The following CYP4B1 variants were observed in gnomAD, a reference collection of about 807,000 sequenced individuals.
CYP4B1 encodes cytochrome P450 family 4 subfamily B member 1, also known as cytochrome P450 4B1.
In CYP4B1, 45 loss-of-function variants were observed where a neutral mutation model predicts 54.0. The observed-to-expected ratio is 0.83, with a 90% CI of 0.66 to 1.07. The LOEUF is 1.07. Ranked by LOEUF, CYP4B1 falls within the 50% of genes least tolerant of loss-of-function variation. CYP4B1 has a pLI of 0.00. For synonymous variants in CYP4B1, 248 were observed against 247.5 expected, an observed-to-expected ratio of 1.00 and a Z score of -0.02; for missense variants, 656 against 655.4, an observed-to-expected ratio of 1.00 and a Z score of -0.01.
intron 4 of CYP4B1, among the ~76,000 whole-genome samples, 155 bp from the exon 5 acceptor site, chr1:46,813,327 C>T (rs968559350): frequency 1.3e-5 from 2 of 152,148 alleles, no homozygotes; most frequent in Non-Finnish European, 2.9e-5. Flanking sequence ...TCCTGATATT[C>T]CAGCAGGATG....
chr1:46,813,505 G>C lies in CYP4B1; in HGVS notation c.519G>C (p.Arg173=), dbSNP rs769729661. 6.2e-7 allele frequency: 1 copy of C among 1,614,188 alleles called. No individual in the cohort carries two copies. The highest frequency in any genetic ancestry group is 1.1e-5 in the South Asian group (1 of 91,082). Residue 173 remains arginine, a synonymous_variant, in exon 5 of 12, where the codon CGG becomes CGC. Transcript: ENST00000371923. ...AGGACAAGTGGGAAGAGAAAGCTCG[G>C]GAGGGTAAGTCCTTTGACATCTTCT... is the stretch of plus-strand genomic sequence containing the variant. ...IMLDKWEEKA[R]EGKSFDIFCD...
At chr1:46,812,328 C>T (rs915605427) in intron 3 of CYP4B1, 168 bp from the exon 4 acceptor site, 28 of 756,820 alleles carry the variant, frequency 3.7e-5, no homozygotes, top group African/African-American at 6.9e-5. Context: ...CACCTGTCTC[C>T]TGAGGTCCTG....
intron 11 of CYP4B1, 34 bp from the exon 12 acceptor site, chr1:46,818,597 A>G (rs756632535): frequency 8.1e-6 from 13 of 1,606,596 alleles, no homozygotes; most frequent in Non-Finnish European, 1.1e-5. Flanking sequence ...TGGATGCTCC[A>G]TTGCACGATG....
chr1:46,803,075 G>T (rs980036810), intron 1 of CYP4B1, among the ~76,000 whole-genome samples: 3 of 152,166 alleles, frequency 2.0e-5, no homozygotes, highest in Non-Finnish European at 4.4e-5. Context: ...GGAGGTAGAC[G>T]GGGCAGTCAC....
At chr1:46,802,849 C>T (rs536360890) in intron 1 of CYP4B1, among the ~76,000 whole-genome samples, 1 of 152,190 alleles carries the variant, frequency 6.6e-6, no homozygotes, top group Admixed American at 6.5e-5. Flanking sequence ...GGAGGTGATG[C>T]TGAGGCACAT....
At position 46,814,297 on chromosome 1, in the gene CYP4B1, C is replaced by A; in HGVS notation, c.864C>A (p.Asp288Glu). 1 of 1,613,834 alleles carries A rather than the reference C, an allele frequency of 6.2e-7. No homozygotes were observed. ...ACCGGAGGCACCTGGACTTCCTGGA[C>A]ATTCTCCTGGGTGCCCGGGTGAGTA... ...IQNRRHLDFL[D>E]ILLGARDEDD... The change falls in exon 7 of 12, where the codon GAC (aspartate) becomes GAA (glutamate). Residue 288 changes from aspartate to glutamate, a missense_variant. Transcript: ENST00000371923.
rs1415918444 is a variant in CYP4B1 at position 46,812,596 on chromosome 1, G to A, written c.468G>A (p.Val156=). ...ATGTGCTGAAGCCCTATGTGGCCGT[G>A]TTCACTGAGTCTACACGTATCATGC... ...HYDVLKPYVA[V]FTESTRIMLD... is the part of the protein sequence containing the mutation. Residue 156 remains valine, a synonymous_variant, in exon 4 of 12, where the codon GTG becomes GTA. Coordinates refer to ENST00000371923, the MANE Select transcript of CYP4B1 (RefSeq NM_001099772.2). 1.2e-6 allele frequency: 2 copies of A among 1,613,902 alleles called. No homozygotes were observed. The highest frequency in any genetic ancestry group is 2.7e-5 in the African/African-American group (2 of 74,902).
At position 46,818,350 on chromosome 1, in the gene CYP4B1, G is replaced by C; in HGVS notation, c.1355+137G>C. ...GTTTGTGGTGGTTCTAATGCAGGAG[G>C]CTTCTTCTTGCAATTATCATATTCC... is the stretch of plus-strand genomic sequence containing the variant. On this transcript the variant is annotated intron_variant, in intron 11 of 11. Transcript: ENST00000371923. The C allele has an allele frequency of 3.6e-6, 3 of 829,700 alleles. No homozygotes were observed. In the South Asian group the frequency reaches 4.9e-5, roughly 14 times the overall value. 51.4% of individuals were successfully genotyped at this position (829,700 alleles called of 1,614,324 possible).
Position 46,819,026 on chromosome 1 carries a change from C to T in CYP4B1, c.*212C>T. On this transcript the variant is annotated 3_prime_UTR_variant, in exon 12 of 12. Transcript: ENST00000371923. ...TTTATCATGCATGTATTCTAGAGCT[C>T]ATTCATTTATTCAACAAACATTTGG... The T allele has an allele frequency of 2.2e-6, 1 of 459,930 alleles. No individual in the cohort carries two copies. The highest frequency in any genetic ancestry group is 3.8e-6 in the Non-Finnish European group (1 of 262,054). The allele number at this position is 459,930 out of a possible 1,614,324, so 28.5% of individuals were successfully genotyped here. A position where few individuals can be genotyped will look rare whatever the true frequency, so the allele number is the denominator to read the frequency against.
chr1:46,808,658 A>G (rs1309037995), intron 1 of CYP4B1, among the ~76,000 whole-genome samples: 1 of 151,682 alleles, frequency 6.6e-6, no homozygotes, highest in East Asian at 1.9e-4. Flanking sequence ...TGCTATAAAG[A>G]CACATGCACA....
At chr1:46,816,698 C>T (rs919407009) in intron 8 of CYP4B1, among the ~76,000 whole-genome samples, 1 of 152,050 alleles carries the variant, frequency 6.6e-6, no homozygotes, top group Non-Finnish European at 1.5e-5. Context: ...GTAGGGGAAA[C>T]CAAGCTGAAA....
rs529820576 is a variant in CYP4B1, at chr1:46,804,461, T to C, written c.180+5200T>C. Among the ~76,000 whole-genome samples the C allele has an allele frequency of 1.4e-4, 21 of 151,088 alleles. No homozygotes were observed. In the South Asian group the frequency reaches 2.7e-3, roughly 20 times the overall value. ...TTTTTTTTTTTTTAAAGTGAGAGAC[T>C]TGAACAAATTTTGAATGAGGATGGG... On this transcript the variant is annotated intron_variant, in intron 1 of 11. Transcript: ENST00000371923.
intron 1 of CYP4B1, among the ~76,000 whole-genome samples, chr1:46,800,873 G>A (rs1678628761): frequency 6.6e-6 from 1 of 152,200 alleles, no homozygotes. Context: ...GGGGTTCAAA[G>A]AGCTTACGGT....
chr1:46,814,257 G>A lies in CYP4B1; in HGVS notation c.824G>A (p.Arg275Gln), dbSNP rs45578838. The stretch of plus-strand genomic sequence containing the variant: ...GCAGCCCTGCAGGATGAGAAGGTGC[G>A]GAAGAAGATCCAGAACCGGAGGCAC... ...RKAALQDEKV[R>Q]KKIQNRRHLD... The change falls in exon 7 of 12, where the codon CGG becomes CAG. Residue 275 changes from arginine to glutamine, a missense_variant. By Grantham distance (43) the Arg-to-Gln change is conservative. Transcript: ENST00000371923. 3.7e-5 allele frequency: 60 copies of A among 1,614,124 alleles called. No individual in the cohort carries two copies. Among genetic ancestry groups the A allele is most frequent in the East Asian group, 1.3e-4 (6 of 44,864 alleles).
rs774825270 is a variant in CYP4B1, at chr1:46,815,284, C to T, written c.1073+20C>T. The T allele has an allele frequency of 1.6e-5, 24 of 1,529,014 alleles. No individual in the cohort carries two copies. The highest frequency in any genetic ancestry group is 1.9e-4 in the Middle Eastern group (1 of 5,158). The allele number at this position is 1,529,014 out of a possible 1,614,324, so 94.7% of individuals were successfully genotyped here. A position where few individuals can be genotyped will look rare whatever the true frequency, so the allele number is the denominator to read the frequency against. On this transcript the variant is annotated intron_variant, in intron 8 of 11. Transcript: ENST00000371923. ...CCAGTGGTGAGTCTGAGGGTGGGCC[C>T]GGTTTATCCTGCTCAGCCCTTGGGA...
chr1:46,805,495 A>G (rs770950084), intron 1 of CYP4B1, among the ~76,000 whole-genome samples: 1 of 152,138 alleles, frequency 6.6e-6, no homozygotes, highest in Admixed American at 6.5e-5. Context: ...TTCTTTCTGT[A>G]TGTTATCTGT....
At chr1:46,812,051 A>G in intron 3 of CYP4B1, 1 of 410,284 alleles carries the variant, frequency 2.4e-6, no homozygotes. Context: ...TGGGGTAGGA[A>G]GGGTCCCACC....
chr1:46,802,622 A>G (rs1257374497), intron 1 of CYP4B1, among the ~76,000 whole-genome samples: 1 of 152,208 alleles, frequency 6.6e-6, no homozygotes, highest in Non-Finnish European at 1.5e-5. Flanking sequence ...GTCTTTGTGA[A>G]CCAGATATGG....
rs1344466703 is a variant in CYP4B1, at chr1:46,813,536, G to A, written c.550G>A (p.Val184Met). 7 of 1,614,102 alleles carry A rather than the reference G, an allele frequency of 4.3e-6. No homozygotes were observed. The highest frequency in any genetic ancestry group is 5.1e-6 in the Non-Finnish European group (6 of 1,180,052). The change falls in exon 5 of 12, where the codon GTG (valine) becomes ATG (methionine). Residue 184 changes from valine (V) to methionine (M), a missense_variant. Val to Met is a conservative substitution (Grantham distance 21, BLOSUM62 1). Transcript: ENST00000371923. ...TAAGTCCTTTGACATCTTCTGCGAT[G>A]TGGGTCACATGGCGCTGAACACACT... Reference protein sequence around the residue: ...EGKSFDIFCDVGHMALNTLMK... With the variant: ...EGKSFDIFCDMGHMALNTLMK...
Sources: gnomAD v4.1 joint callset for allele counts (sites outside exome capture counted in the v4.1 genomes callset) on GRCh38, gnomAD v4.1.1 for gene constraint, MANE v1.5 for transcripts, NCBI Gene and HGNC (gene_info 2026-07-23, HGNC 2026-07-21) for gene names.